The following POLD3 variants were observed in gnomAD, a reference collection of about 807,000 sequenced individuals.
POLD3 encodes the protein DNA polymerase delta 3, accessory subunit.
Under a neutral mutation model 58.2 loss-of-function variants are expected in POLD3, and 19 were observed. The observed-to-expected ratio is 0.33, with a 90% CI of 0.23 to 0.48. The LOEUF is 0.48. Ranked by LOEUF, POLD3 falls within the 20% of genes least tolerant of loss-of-function variation. The probability of loss-of-function intolerance (pLI) is 0.99; values close to 1 mark genes in which losing one functional copy is unlikely to be tolerated. For synonymous variants in POLD3, 172 were observed against 193.5 expected (o/e 0.89, Z 0.92); for missense variants, 504 against 545.5 (o/e 0.92, Z 0.76).
At chr11:74,608,026 A>T (rs2031757296) in intron 3 of POLD3, among the ~76,000 whole-genome samples, 3 of 152,164 alleles carry the variant, frequency 2.0e-5, no homozygotes, top group Non-Finnish European at 4.4e-5. Flanking sequence ...ATTATTTGAA[A>T]ATTTCAAGGA....
chr11:74,645,237 G>A (rs2032984730), downstream of POLD3, among the ~76,000 whole-genome samples: 1 of 152,186 alleles, frequency 6.6e-6, no homozygotes, highest in Admixed American at 6.5e-5. Context: ...CCATTTTATT[G>A]GGTGTTATTC....
At chr11:74,663,520 G>GA (rs1201424444) in intron 4 of POLD3, among the ~76,000 whole-genome samples, 1 of 152,156 alleles carries the variant, frequency 6.6e-6, no homozygotes, top group Non-Finnish European at 1.5e-5. Context: ...CATAAAGATA[G>GA]AAAAAATAGA....
At chr11:74,629,424 AT>A (rs747098876) in intron 9 of POLD3, 101 bp downstream of exon 9, 1 of 640,166 alleles carries the variant, frequency 1.6e-6, no homozygotes, top group Non-Finnish European at 2.7e-6. Context: ...GAGAGTAGTA[AT>A]TCTAGCATTA....
chr11:74,607,705 C>G (rs1463643696), intron 3 of POLD3, among the ~76,000 whole-genome samples: 1 of 151,936 alleles, frequency 6.6e-6, no homozygotes, highest in Non-Finnish European at 1.5e-5. Flanking sequence ...CCTCAACCCC[C>G]CAAGTAGCTG....
In POLD3 at chr11:74,612,918, G is replaced by T; in HGVS notation, c.300G>T (p.Val100=). 1 of 1,613,528 alleles carries T rather than the reference G, an allele frequency of 6.2e-7. No individual in the cohort carries two copies. The highest frequency in any genetic ancestry group is 8.5e-7 in the Non-Finnish European group (1 of 1,179,482). Residue 100 remains valine, a synonymous_variant, in exon 5 of 12, where the codon GTG becomes GTT. Coordinates refer to ENST00000263681, the MANE Select transcript of POLD3 (RefSeq NM_006591.3). ...TAGCTGTGACTGCCAGCATCCATGT[G>T]TACAGCATCCAGAAAGCCATGCTAA... ...SKLAVTASIH[V]YSIQKAMLKD...
chr11:74,601,443 T>TA (rs1239619907), intron 2 of POLD3, among the ~76,000 whole-genome samples: 2 of 152,160 alleles, frequency 1.3e-5, no homozygotes, highest in Non-Finnish European at 2.9e-5. Flanking sequence ...GGCAGGGTGA[T>TA]ATGTGCTGTA....
chr11:74,613,481 A>G (rs1452358767), intron 5 of POLD3, among the ~76,000 whole-genome samples: 1 of 152,118 alleles, frequency 6.6e-6, no homozygotes, highest in African/African-American at 2.4e-5. Context: ...GTAACGGACT[A>G]TAATGCGTGT....
intron 9 of POLD3, among the ~76,000 whole-genome samples, chr11:74,634,005 A>G (rs898859760): frequency 6.6e-6 from 1 of 152,224 alleles, no homozygotes; most frequent in Non-Finnish European, 1.5e-5. Context: ...GTCACAGTGA[A>G]AGACTCTGGC....
chr11:74,602,270 T>TA (rs2135121685), intron 2 of POLD3, among the ~76,000 whole-genome samples: 1 of 152,226 alleles, frequency 6.6e-6, no homozygotes, highest in African/African-American at 2.4e-5. Context: ...AACAAGGAAT[T>TA]ATGTTTCAGA....
chr11:74,627,756 CAA>C (rs2032473830), intron 8 of POLD3, among the ~76,000 whole-genome samples: 1 of 152,036 alleles, frequency 6.6e-6, no homozygotes, highest in African/African-American at 2.4e-5. Context: ...AGTACAGTAA[CAA>C]TGATGTACAG....
rs545559156 is a variant in POLD3, at chr11:74,622,637, G to A, written c.733+2548G>A. 4.7e-4 allele frequency among the ~76,000 whole-genome samples: 71 copies of A among 152,308 alleles called. 1 individual carries two copies. Among genetic ancestry groups the A allele is most frequent in the Middle Eastern group, 3.4e-3 (1 of 294 alleles). ...TGAAAATGAAGCTTGAGAATTGGAT[G>A]AAGAGAGTTCACTGTGGGGACTTGA... On this transcript the variant is annotated intron_variant, in intron 7 of 11. Coordinates refer to ENST00000263681, the MANE Select transcript of POLD3 (RefSeq NM_006591.3).
intron 11 of POLD3, among the ~76,000 whole-genome samples, chr11:74,639,264 C>A (rs1017115477): frequency 6.6e-6 from 1 of 152,120 alleles, no homozygotes; most frequent in Non-Finnish European, 1.5e-5. Context: ...GGTTCTGATG[C>A]ACAGTAAAGT....
rs374141001 is a variant in POLD3, at chr11:74,641,051, G to T, written c.*285G>T. On this transcript the variant is annotated 3_prime_UTR_variant, in exon 12 of 12. Coordinates refer to ENST00000263681, the MANE Select transcript of POLD3 (RefSeq NM_006591.3). Reference sequence around the variant, plus strand: ...CAAAATTATACTGGAACAGTTTTCAGAATTCTCACTGAAGCCATTTAGTGG... The same window carrying T: ...CAAAATTATACTGGAACAGTTTTCATAATTCTCACTGAAGCCATTTAGTGG... 31 of 1,071,936 alleles carry T rather than the reference G, an allele frequency of 2.9e-5. No homozygotes were observed. The African/African-American group carries it at 3.6e-4, about 13-fold the overall frequency. 66.4% of individuals were successfully genotyped at this position (1,071,936 alleles called of 1,614,324 possible).
At chr11:74,660,586 G>A (rs2033193333) in intron 4 of POLD3, among the ~76,000 whole-genome samples, 1 of 152,096 alleles carries the variant, frequency 6.6e-6, no homozygotes, top group Non-Finnish European at 1.5e-5. Context: ...GTTGGAGGAG[G>A]GGCCTGGTAG....
At chr11:74,606,311 T>C (rs1412532191) in intron 3 of POLD3, among the ~76,000 whole-genome samples, 4 of 152,242 alleles carry the variant, frequency 2.6e-5, no homozygotes, top group Non-Finnish European at 2.9e-5. Flanking sequence ...GTTCTGCCAC[T>C]GTAGAGCTCT....
At chr11:74,626,103 T>C (rs568835150) in intron 8 of POLD3, among the ~76,000 whole-genome samples, 1 of 152,270 alleles carries the variant, frequency 6.6e-6, no homozygotes, top group East Asian at 1.9e-4. Context: ...GTAGAATTAG[T>C]CTGCTGAAAG....
In POLD3 at chr11:74,624,171, A is replaced by G. The variant is rs140163789; in HGVS notation, c.734-1237A>G. On this transcript the variant is annotated intron_variant, in intron 7 of 11. Coordinates refer to ENST00000263681, the MANE Select transcript of POLD3 (RefSeq NM_006591.3). The stretch of plus-strand genomic sequence containing the variant: ...CATAAATTTTAAAGCTACACATGTG[A>G]CTCCAGTGAACTGTATTTTTTGGAT... Among the ~76,000 whole-genome samples, 253 of 152,278 alleles carry G rather than the reference A, an allele frequency of 1.7e-3. 1 individual carries two copies. Among genetic ancestry groups the G allele is most frequent in the Middle Eastern group, 6.8e-3 (2 of 294 alleles).
At chr11:74,625,871 T>TTTTGTGTGTGTGTGTGTGTGTG (rs142784051) in intron 8 of POLD3, among the ~76,000 whole-genome samples, 8 of 143,680 alleles carry the variant, frequency 5.6e-5, no homozygotes, top group African/African-American at 2.1e-4. Flanking sequence ...GTGTGCCTAG[T>TTTTGTGTGTGTGTGTGTGTGTG]TGTGTGTGTG....
chr11:74,629,583 TTTC>T (rs1197703552), intron 9 of POLD3, among the ~76,000 whole-genome samples: 3 of 144,008 alleles, frequency 2.1e-5, no homozygotes, highest in Non-Finnish European at 3.0e-5. Flanking sequence ...TTTCTTTTCT[TTTC>T]TTTTTTTTTT....
Sources: gnomAD v4.1 joint callset for allele counts (sites outside exome capture counted in the v4.1 genomes callset) on GRCh38, gnomAD v4.1.1 for gene constraint, MANE v1.5 for transcripts, NCBI Gene and HGNC (gene_info 2026-07-23, HGNC 2026-07-21) for gene names.